CARMIL1: variants seen among roughly 807,000 people sequenced by gnomAD.
CARMIL1 encodes capping protein regulator and myosin 1 linker 1, also known as F-actin-uncapping protein LRRC16A.
Under a neutral mutation model 177.1 loss-of-function variants are expected in CARMIL1, and 90 were observed. The observed-to-expected ratio is 0.51, with a 90% CI of 0.43 to 0.61. The LOEUF is 0.61. Among genes scored for constraint, CARMIL1 ranks in the 20% least tolerant of loss-of-function variants. CARMIL1 has a pLI of 0.00. For missense variants in CARMIL1, 1,380 were observed against 1,667.0 expected (o/e 0.83, Z 3.00); for synonymous variants, 577 against 606.2 (o/e 0.95, Z 0.71).
chr6:25,462,027 A>G (rs912680057), intron 8 of CARMIL1, among the ~76,000 whole-genome samples: 1 of 151,804 alleles, frequency 6.6e-6, no homozygotes, highest in Admixed American at 6.6e-5. Context: ...AAATGGGGTG[A>G]TTGTTTTTTA....
At chr6:25,415,352 C>T (rs1795263425) in intron 2 of CARMIL1, among the ~76,000 whole-genome samples, 1 of 151,858 alleles carries the variant, frequency 6.6e-6, no homozygotes, top group Non-Finnish European at 1.5e-5. Context: ...AATATTCTGA[C>T]CCTAGTTCAT....
chr6:25,317,562 CTTTTTT>C (rs33992407), intron 2 of CARMIL1, among the ~76,000 whole-genome samples: 2 of 107,160 alleles, frequency 1.9e-5, no homozygotes, highest in Admixed American at 1.1e-4. Flanking sequence ...TTACTTAGGA[CTTTTTT>C]TTTTTTTTTT....
At position 25,295,171 on chromosome 6, in the gene CARMIL1, G is replaced by GA. The variant is rs201127303; in HGVS notation, c.138+10270dup. ...CCTATCAATTTAGATATAATCATTG[G>GA]AAAAAAAATCAGTATTTTTCATATT... On this transcript the variant is annotated intron_variant, in intron 2 of 36. Coordinates refer to ENST00000329474, the MANE Select transcript of CARMIL1 (RefSeq NM_017640.6). 7.6e-3 allele frequency among the ~76,000 whole-genome samples: 1,155 copies of GA among 151,470 alleles called. 8 individuals carry two copies. The highest frequency in any genetic ancestry group is 0.013 in the Non-Finnish European group (862 of 67,844).
intron 27 of CARMIL1, 128 bp downstream of exon 27, chr6:25,551,213 CTG>C: frequency 1.5e-6 from 1 of 673,472 alleles, no homozygotes; most frequent in Non-Finnish European, 2.5e-6. Flanking sequence ...TAGGCAGAAA[CTG>C]TATATAAATA....
chr6:25,379,656 G>A (rs1791338312), intron 2 of CARMIL1, among the ~76,000 whole-genome samples: 1 of 152,228 alleles, frequency 6.6e-6, no homozygotes, highest in East Asian at 1.9e-4. Flanking sequence ...CTGGTGAAAT[G>A]GGTACAGGTC....
intron 32 of CARMIL1, 21 bp from the exon 33 acceptor site, chr6:25,600,291 CTG>C: frequency 6.3e-7 from 1 of 1,581,232 alleles, no homozygotes; most frequent in East Asian, 2.2e-5. Context: ...AACAACAGAT[CTG>C]TGTCTTGGTT....
intron 35 of CARMIL1, 51 bp downstream of exon 35, chr6:25,606,324 A>G (rs2151322280): frequency 6.4e-7 from 1 of 1,557,404 alleles, no homozygotes; most frequent in East Asian, 2.3e-5. Context: ...GGCTTCCCAG[A>G]GCCAGCTGGA....
chr6:25,495,054 C>A, intron 15 of CARMIL1, 57 bp from the exon 16 acceptor site: 2 of 938,918 alleles, frequency 2.1e-6, no homozygotes, highest in South Asian at 1.4e-5. Context: ...TCTGAATAAT[C>A]AATGAATATG....
intron 29 of CARMIL1, among the ~76,000 whole-genome samples, chr6:25,569,720 C>T (rs971473493): frequency 1.3e-5 from 2 of 152,152 alleles, no homozygotes; most frequent in African/African-American, 4.8e-5. Context: ...TTTGATTATT[C>T]ATCTTGATGT....
At chr6:25,542,932 A>G (rs1809065759) in intron 26 of CARMIL1, among the ~76,000 whole-genome samples, 1 of 152,206 alleles carries the variant, frequency 6.6e-6, no homozygotes, top group East Asian at 1.9e-4. Flanking sequence ...CACTACTACT[A>G]TCAAATTTTC....
intron 8 of CARMIL1, among the ~76,000 whole-genome samples, chr6:25,460,285 TG>T (rs1800012979): frequency 6.6e-6 from 1 of 152,208 alleles, no homozygotes; most frequent in African/African-American, 2.4e-5. Flanking sequence ...TCCAGGAAAA[TG>T]AACTCTCAGA....
rs1343364374 is a variant in CARMIL1 at position 25,471,156 on chromosome 6, T to G, written c.691-13T>G. ...AGAGTTATGGAATAGTCAAAGAATG[T>G]TTTCTGTTACAGTCCACTGATGTCT... On this transcript the variant is annotated splice_polypyrimidine_tract_variant and intron_variant, in intron 9 of 36. Coordinates refer to ENST00000329474, the MANE Select transcript of CARMIL1 (RefSeq NM_017640.6). The G allele has an allele frequency of 1.3e-6, 2 of 1,569,704 alleles. No individual in the cohort carries two copies. The highest frequency in any genetic ancestry group is 1.7e-6 in the Non-Finnish European group (2 of 1,149,618).
chr6:25,491,976 T>C lies in CARMIL1; in HGVS notation c.1172T>C (p.Leu391Pro), dbSNP rs1264875100. The C allele has an allele frequency of 6.2e-7, 1 of 1,613,774 alleles. No homozygotes were observed. Among genetic ancestry groups the C allele is most frequent in the East Asian group, 2.2e-5 (1 of 44,860 alleles). ...TGTGGAGCTCTTCTCCGTGGATGCC[T>C]TCAATATTTAGCTGTGCTCAACCTC... The part of the protein sequence containing the change: ...MVCGALLRGC[L>P]QYLAVLNLSR... Residue 391 changes from leucine (L) to proline (P), a missense_variant, in exon 15 of 37, where the codon CTT becomes CCT. Leu to Pro is a moderately conservative substitution (Grantham distance 98). Transcript: ENST00000329474.
intron 8 of CARMIL1, among the ~76,000 whole-genome samples, chr6:25,454,958 A>G (rs866689360): frequency 6.6e-6 from 1 of 152,240 alleles, no homozygotes; most frequent in South Asian, 2.1e-4. Context: ...GAGGAATTAG[A>G]AAATTTGGAG....
At chr6:25,390,061 C>T (rs919031372) in intron 2 of CARMIL1, among the ~76,000 whole-genome samples, 5 of 151,990 alleles carry the variant, frequency 3.3e-5, no homozygotes, top group Non-Finnish European at 5.9e-5. Context: ...CCTAGATGCA[C>T]CATGAACTTC....
chr6:25,299,326 A>G (rs1486350059), intron 2 of CARMIL1, among the ~76,000 whole-genome samples: 1 of 151,490 alleles, frequency 6.6e-6, no homozygotes, highest in East Asian at 2.0e-4. Flanking sequence ...GCCTGCCACC[A>G]TACCCAGCTA....
chr6:25,357,215 G>A (rs1788717227), intron 2 of CARMIL1, among the ~76,000 whole-genome samples: 2 of 151,814 alleles, frequency 1.3e-5, no homozygotes, highest in Non-Finnish European at 2.9e-5. Context: ...GATGGTTGTT[G>A]TCAGGTTCTG....
rs758939283 is a variant in CARMIL1, at chr6:25,604,864, G to A, written c.3605G>A (p.Gly1202Asp). Residue 1202 changes from glycine (G) to aspartate (D), a missense_variant, in exon 34 of 37, where the codon GGC becomes GAC. Coordinates refer to ENST00000329474, the MANE Select transcript of CARMIL1 (RefSeq NM_017640.6). ...SQDSSSPALS[G>D]VERSDGGGAV... ...GATTCTTCCAGCCCAGCTTTGAGCG[G>A]CGTAGAACGGTCGGATGGAGGTGGG... is the stretch of plus-strand genomic sequence containing the variant. 2.3e-5 allele frequency: 37 copies of A among 1,596,536 alleles called. 1 individual carries two copies. In the South Asian group the frequency reaches 3.1e-4, roughly 13 times the overall value.
chr6:25,281,764 C>T (rs537415523), intron 1 of CARMIL1, among the ~76,000 whole-genome samples: 3 of 152,102 alleles, frequency 2.0e-5, no homozygotes, highest in African/African-American at 7.2e-5. Context: ...AAATGGCGAC[C>T]GACCACATGA....
Sources: allele counts gnomAD v4.1 joint callset (sites outside exome capture counted in the v4.1 genomes callset), GRCh38; gene constraint gnomAD v4.1.1; transcripts MANE v1.5; gene names NCBI Gene and HGNC (gene_info 2026-07-23, HGNC 2026-07-21).